The following ADGRV1 variants were observed in gnomAD, a reference collection of about 807,000 sequenced individuals.
The protein encoded by ADGRV1 is adhesion G protein-coupled receptor V1.
Under a neutral mutation model 596.2 loss-of-function variants are expected in ADGRV1, and 359 were observed. That is an observed-to-expected ratio of 0.60 (90% CI 0.55 to 0.66). The LOEUF (loss-of-function observed/expected upper bound fraction) is 0.66, where lower values mean the gene tolerates loss of function less well. Among genes scored for constraint, ADGRV1 ranks in the 30% least tolerant of loss-of-function variants. The pLI is 0.00. For synonymous variants in ADGRV1, 2,681 were observed against 2,679.2 expected, an observed-to-expected ratio of 1.00 and a Z score of -0.02; for missense variants, 7,274 against 7,575.6, an observed-to-expected ratio of 0.96 and a Z score of 1.48.
rs760599731 is a variant in ADGRV1 at position 90,855,721 on chromosome 5, CTA to C, written c.17595-18_17595-17del. 3.3e-6 allele frequency: 5 copies of C among 1,525,720 alleles called. No individual in the cohort carries two copies. The highest frequency in any genetic ancestry group is 2.3e-5 in the East Asian group (1 of 43,012). 94.5% of individuals were successfully genotyped at this position (1,525,720 alleles called of 1,614,324 possible). ...AGTATTGATGAAAGAGGAAAAATGA[CTA>C]TTGTGTTTTTGCCCTAGCTGGTTGT... On this transcript the variant is annotated intron_variant, in intron 81 of 89. Transcript: ENST00000405460.
chr5:90,969,440 C>T (rs1383722175), intron 84 of ADGRV1, among the ~76,000 whole-genome samples: 3 of 152,158 alleles, frequency 2.0e-5, no homozygotes, highest in Non-Finnish European at 4.4e-5. Context: ...TAACTAGCTG[C>T]AAAGCCTTAG....
At chr5:90,662,338 C>G (rs1436878626) in intron 21 of ADGRV1, among the ~76,000 whole-genome samples, 1 of 151,714 alleles carries the variant, frequency 6.6e-6, no homozygotes, top group East Asian at 1.9e-4. Context: ...GGACTACAGG[C>G]GCCCACCACC....
intron 83 of ADGRV1, among the ~76,000 whole-genome samples, chr5:90,885,072 C>T (rs936120219): frequency 1.3e-5 from 2 of 152,076 alleles, no homozygotes; most frequent in Non-Finnish European, 2.9e-5. Context: ...TATCTAGCTC[C>T]TCTACACATG....
At chr5:90,759,768 A>AT (rs1204352220) in intron 58 of ADGRV1, 180 bp downstream of exon 58, 1 of 587,640 alleles carries the variant, frequency 1.7e-6, no homozygotes, top group Non-Finnish European at 3.1e-6. Flanking sequence ...GATTGACACC[A>AT]TCCTGGCCAA....
In ADGRV1 at chr5:90,647,620, G is replaced by A. The variant is rs1767979372; in HGVS notation, c.3145G>A (p.Glu1049Lys). ...ATKDGKATARERDFIPVEKGE... is the reference protein window; with the variant it reads ...ATKDGKATARKRDFIPVEKGE... ...CAAGGATGGGAAGGCTACTGCAAGA[G>A]AGAGAGATTTCATTCCTGTTGAAAA... Residue 1049 changes from glutamate (E) to lysine (K), a missense_variant, in exon 17 of 90, where the codon GAG becomes AAG. By Grantham distance (56) the Glu-to-Lys change is moderately conservative (BLOSUM62 1). This residue lies in a region of ADGRV1 where 1,715 missense variants were observed against 1,708.8 expected (regional missense o/e 1.00). Transcript: ENST00000405460. 1.9e-6 allele frequency: 3 copies of A among 1,613,980 alleles called. No individual in the cohort carries two copies. Among genetic ancestry groups the A allele is most frequent in the African/African-American group, 2.7e-5 (2 of 75,052 alleles).
chr5:90,939,108 A>T (rs1775958363), intron 83 of ADGRV1, among the ~76,000 whole-genome samples: 1 of 152,210 alleles, frequency 6.6e-6, no homozygotes, highest in Admixed American at 6.5e-5. Flanking sequence ...CAGTTTTAGA[A>T]AACATGTTCA....
chr5:90,640,427 AT>A (rs535056378), intron 11 of ADGRV1, among the ~76,000 whole-genome samples: 180 of 151,678 alleles, frequency 1.2e-3, no homozygotes, highest in South Asian at 4.2e-3. Flanking sequence ...AAAGGTTTTT[AT>A]TTTTTTTTAA....
chr5:91,146,872 G>T (rs1291493479), intron 87 of ADGRV1, among the ~76,000 whole-genome samples: 2 of 152,126 alleles, frequency 1.3e-5, no homozygotes, highest in African/African-American at 4.8e-5. Flanking sequence ...ACCAAGAAAA[G>T]AATTTGAAGC....
At chr5:90,889,408 T>C (rs1283230527) in intron 83 of ADGRV1, among the ~76,000 whole-genome samples, 2 of 152,120 alleles carry the variant, frequency 1.3e-5, no homozygotes, top group East Asian at 3.9e-4. Flanking sequence ...TAGAGAAGAC[T>C]TATTCAGGGA....
chr5:90,844,462 T>C (rs1765689371), intron 78 of ADGRV1, among the ~76,000 whole-genome samples: 2 of 152,312 alleles, frequency 1.3e-5, no homozygotes, highest in East Asian at 1.9e-4. Context: ...AGACTTTCTG[T>C]ATGAAATCCA....
At chr5:90,616,772 T>C (rs1763419825) in intron 2 of ADGRV1, among the ~76,000 whole-genome samples, 1 of 152,190 alleles carries the variant, frequency 6.6e-6, no homozygotes, top group Admixed American at 6.5e-5. Flanking sequence ...ATTCCTCTCT[T>C]CTAGCTATTT....
chr5:90,705,317 A>G (rs1276709636), intron 36 of ADGRV1, 83 bp from the exon 37 acceptor site: 1 of 1,119,804 alleles, frequency 8.9e-7, no homozygotes, highest in Non-Finnish European at 1.3e-6. Context: ...TGATTACCTT[A>G]ATGTTTCAGA....
At chr5:91,073,543 T>C (rs188697886) in intron 86 of ADGRV1, among the ~76,000 whole-genome samples, 3 of 152,342 alleles carry the variant, frequency 2.0e-5, no homozygotes, top group Admixed American at 2.0e-4. Flanking sequence ...TTCTAGTTCC[T>C]GAACTTGATC....
At chr5:90,875,111 T>C (rs1769104115) in intron 83 of ADGRV1, among the ~76,000 whole-genome samples, 1 of 152,150 alleles carries the variant, frequency 6.6e-6, no homozygotes, top group Non-Finnish European at 1.5e-5. Flanking sequence ...GTCCAGGAGT[T>C]TGAGCCTGCA....
At chr5:90,664,658 G>C (rs1323534140) in intron 21 of ADGRV1, among the ~76,000 whole-genome samples, 4 of 138,136 alleles carry the variant, frequency 2.9e-5, no homozygotes, top group African/African-American at 5.7e-5. Flanking sequence ...ATGTTGAATA[G>C]GAGTGGTGAG....
chr5:90,788,417 TAA>T (rs1327534439), intron 68 of ADGRV1, 107 bp downstream of exon 68: 1 of 1,065,268 alleles, frequency 9.4e-7, no homozygotes, highest in Non-Finnish European at 1.3e-6. Context: ...TTGGAAATTA[TAA>T]AACCAAATAA....
chr5:90,891,417 T>C (rs1770813287), intron 83 of ADGRV1, among the ~76,000 whole-genome samples: 3 of 151,500 alleles, frequency 2.0e-5, no homozygotes, highest in Non-Finnish European at 4.4e-5. Flanking sequence ...ATTCTAAATA[T>C]AATTAAGAAA....
chr5:90,754,442 T>TATA (rs1206991321), intron 54 of ADGRV1, among the ~76,000 whole-genome samples: 6 of 152,316 alleles, frequency 3.9e-5, no homozygotes, highest in Non-Finnish European at 4.4e-5. Context: ...CATGTGGTTA[T>TATA]GTTCCTGGGT....
rs1763778363 is a variant in ADGRV1 at position 90,823,407 on chromosome 5, TG to T, written c.16197-15del. The T allele has an allele frequency of 6.2e-7, 1 of 1,611,990 alleles. No individual in the cohort carries two copies. Among genetic ancestry groups the T allele is most frequent in the East Asian group, 2.2e-5 (1 of 44,832 alleles). On this transcript the variant is annotated splice_polypyrimidine_tract_variant and intron_variant, in intron 75 of 89. Transcript: ENST00000405460. ...ATGACACCCTCTGTTAAGGCATTGG[TG>T]GGTTTCTTGCTCACAGGGCCTTTGA...
Sources: allele counts gnomAD v4.1 joint callset (sites outside exome capture counted in the v4.1 genomes callset), GRCh38; gene constraint gnomAD v4.1.1; regional missense constraint gnomAD v4.1.1; transcripts MANE v1.5; gene names NCBI Gene and HGNC (gene_info 2026-07-23, HGNC 2026-07-21).